Variants in NRXN1 observed in about 807,000 individuals in gnomAD.
The protein encoded by NRXN1 is neurexin-1.
A neutral mutation model predicts 150.9 loss-of-function variants in NRXN1; 39 were observed. The observed-to-expected ratio is 0.26, with a 90% CI of 0.20 to 0.34. The LOEUF (loss-of-function observed/expected upper bound fraction) is 0.34. NRXN1 is among the 10% of genes least tolerant of loss of function. NRXN1 has a pLI of 1.00. For synonymous variants in NRXN1, 924 were observed against 757.0 expected, an observed-to-expected ratio of 1.22 and a Z score of -3.62; for missense variants, 1,815 against 1,949.9, an observed-to-expected ratio of 0.93 and a Z score of 1.30.
chr2:50,715,479 T>C (rs1695749830), intron 5 of NRXN1, among the ~76,000 whole-genome samples: 1 of 152,212 alleles, frequency 6.6e-6, no homozygotes, highest in Admixed American at 6.5e-5. Context: ...CTGTAAATTG[T>C]TTATAAATAT....
At chr2:50,442,986 G>A (rs1309148224) in intron 17 of NRXN1, among the ~76,000 whole-genome samples, 1 of 152,132 alleles carries the variant, frequency 6.6e-6, no homozygotes, top group Non-Finnish European at 1.5e-5. Context: ...AGGAGTTTTG[G>A]CTACATGCTT....
chr2:50,855,784 T>C (rs1013842562), intron 5 of NRXN1, among the ~76,000 whole-genome samples: 2 of 152,100 alleles, frequency 1.3e-5, no homozygotes, highest in African/African-American at 4.8e-5. Context: ...CCACTGACTA[T>C]CCTATCCTGC....
chr2:50,668,471 C>A (rs1323526377), intron 5 of NRXN1, among the ~76,000 whole-genome samples: 1 of 151,860 alleles, frequency 6.6e-6, no homozygotes, highest in Non-Finnish European at 1.5e-5. Context: ...TATCATGCAG[C>A]AGGAAGAAGA....
intron 5 of NRXN1, among the ~76,000 whole-genome samples, chr2:50,793,565 T>C (rs1235808434): frequency 6.6e-6 from 1 of 152,204 alleles, no homozygotes; most frequent in South Asian, 2.1e-4. Flanking sequence ...ATCATGGGAA[T>C]TAACAGAAAA....
intron 17 of NRXN1, among the ~76,000 whole-genome samples, chr2:50,449,896 C>G (rs1010037180): frequency 6.6e-6 from 1 of 152,090 alleles, no homozygotes; most frequent in Admixed American, 6.6e-5. Context: ...CCTGCAAGAT[C>G]TGTAATTGTG....
intron 17 of NRXN1, among the ~76,000 whole-genome samples, chr2:50,414,592 T>C (rs149856495): frequency 2.3e-3 from 344 of 152,124 alleles, no homozygotes; most frequent in African/African-American, 8.0e-3. Flanking sequence ...GGTAAAAGTC[T>C]TAAGGTTTTG....
At chr2:50,280,716 G>A (rs1278688758) in intron 17 of NRXN1, among the ~76,000 whole-genome samples, 1 of 151,664 alleles carries the variant, frequency 6.6e-6, no homozygotes. Context: ...AGGCTCTGAC[G>A]GCGCTCTAAT....
rs1282528700 is a variant in NRXN1 at position 50,584,399 on chromosome 2, A to G, written c.1321-31374T>C. Reference sequence around the variant, plus strand: ...CCATGCACCCCATAAATACACTTGTACTCATCAGCCCATCTGTCCTGCTTT... The same window carrying G: ...CCATGCACCCCATAAATACACTTGTGCTCATCAGCCCATCTGTCCTGCTTT... On this transcript the variant is annotated intron_variant, in intron 8 of 22. Coordinates refer to ENST00000401669, the MANE Select transcript of NRXN1 (RefSeq NM_001330078.2). Among the ~76,000 whole-genome samples, 3 of 152,130 alleles carry G rather than the reference A, an allele frequency of 2.0e-5. No homozygotes were observed. The East Asian group carries it at 5.8e-4, about 29-fold the overall frequency.
intron 21 of NRXN1, among the ~76,000 whole-genome samples, chr2:49,951,830 C>G (rs563827300): frequency 1.3e-5 from 2 of 152,000 alleles, no homozygotes; most frequent in East Asian, 3.9e-4. Flanking sequence ...TAGTCACACA[C>G]ATTGAAATCA....
rs1021837525 is a variant in NRXN1, at chr2:50,154,879, G to C, written c.3547-63385C>G. 2.6e-5 allele frequency among the ~76,000 whole-genome samples: 4 copies of C among 151,374 alleles called. No individual in the cohort carries two copies. In the Admixed American group the frequency reaches 2.6e-4, roughly 10 times the overall value. ...CTCTAATAAGCATTAAGAAAAAAAA[G>C]CATTTAAATGTAAGCATTTTAATGT... is the stretch of plus-strand genomic sequence containing the variant. On this transcript the variant is annotated intron_variant, in intron 18 of 22. Coordinates refer to ENST00000401669, the MANE Select transcript of NRXN1 (RefSeq NM_001330078.2).
At chr2:50,065,975 A>T (rs925500544) in intron 19 of NRXN1, among the ~76,000 whole-genome samples, 1 of 152,136 alleles carries the variant, frequency 6.6e-6, no homozygotes, top group Admixed American at 6.6e-5. Context: ...CCTATTTCTT[A>T]TCTCTGCGTT....
At chr2:50,488,697 T>G (rs934432824) in intron 15 of NRXN1, among the ~76,000 whole-genome samples, 2 of 152,126 alleles carry the variant, frequency 1.3e-5, no homozygotes, top group Non-Finnish European at 2.9e-5. Flanking sequence ...GCTACTGTAC[T>G]CCAAAGACTT....
chr2:50,736,806 C>T (rs572222500), intron 5 of NRXN1, among the ~76,000 whole-genome samples: 13 of 152,132 alleles, frequency 8.5e-5, no homozygotes, highest in Non-Finnish European at 1.3e-4. Context: ...AGCGTGAAAA[C>T]GAACAAATAC....
chr2:49,922,328 A>G, intron 22 of NRXN1, 77 bp from the exon 23 acceptor site: 2 of 1,367,048 alleles, frequency 1.5e-6, no homozygotes, highest in Admixed American at 3.9e-5. Context: ...ATTAACATTT[A>G]TTATCTAATT....
chr2:50,235,586 GT>G (rs1420235227), intron 18 of NRXN1, among the ~76,000 whole-genome samples: 1 of 152,070 alleles, frequency 6.6e-6, no homozygotes, highest in African/African-American at 2.4e-5. Context: ...ACTTGTAAAA[GT>G]TTGTGCTAAT....
intron 5 of NRXN1, among the ~76,000 whole-genome samples, chr2:50,913,202 G>C (rs1331382690): frequency 6.6e-6 from 1 of 151,782 alleles, no homozygotes; most frequent in Non-Finnish European, 1.5e-5. Context: ...TCTGTTCACT[G>C]AGTTTAGAGG....
chr2:50,043,653 C>T (rs1558757496), intron 21 of NRXN1, among the ~76,000 whole-genome samples: 1 of 152,092 alleles, frequency 6.6e-6, no homozygotes, highest in Non-Finnish European at 1.5e-5. Flanking sequence ...CAAAGGTAAG[C>T]TTGGAGGTGT....
At chr2:50,801,340 T>C (rs1453630141) in intron 5 of NRXN1, among the ~76,000 whole-genome samples, 4 of 152,210 alleles carry the variant, frequency 2.6e-5, no homozygotes, top group Non-Finnish European at 5.9e-5. Context: ...AACCATAATT[T>C]ATATCTGATG....
At chr2:50,878,070 G>A (rs1337392774) in intron 5 of NRXN1, among the ~76,000 whole-genome samples, 1 of 151,928 alleles carries the variant, frequency 6.6e-6, no homozygotes, top group Non-Finnish European at 1.5e-5. Flanking sequence ...TTTTAAGGTA[G>A]GAGGCAAGTG....
Sources: allele counts gnomAD v4.1 joint callset (sites outside exome capture counted in the v4.1 genomes callset), GRCh38; gene constraint gnomAD v4.1.1; transcripts MANE v1.5; gene names NCBI Gene and HGNC (gene_info 2026-07-23, HGNC 2026-07-21).